TUT7: variants seen among roughly 807,000 people sequenced by gnomAD.
The protein encoded by TUT7 is terminal uridylyltransferase 7.
Under a neutral mutation model 165.9 loss-of-function variants are expected in TUT7, and 33 were observed. The observed-to-expected ratio is 0.20, with a 90% CI of 0.15 to 0.27. TUT7 has a LOEUF of 0.27. Among genes scored for constraint, TUT7 ranks in the 10% least tolerant of loss-of-function variants. The probability of loss-of-function intolerance (pLI) is 1.00; values close to 1 mark genes in which losing one functional copy is unlikely to be tolerated. For missense variants in TUT7, 1,338 were observed against 1,762.3 expected (o/e 0.76, Z 4.31); for synonymous variants, 552 against 608.1 (o/e 0.91, Z 1.36).
At chr9:86,292,681 G>C (rs773858695) in intron 26 of TUT7, among the ~76,000 whole-genome samples, 4 of 151,690 alleles carry the variant, frequency 2.6e-5, no homozygotes, top group Non-Finnish European at 5.9e-5. Context: ...GGCTGAGGTG[G>C]GAGGATTTCT....
intron 26 of TUT7, among the ~76,000 whole-genome samples, chr9:86,290,096 T>TG (rs1005958751): frequency 3.3e-5 from 5 of 152,102 alleles, no homozygotes; most frequent in Non-Finnish European, 7.4e-5. Flanking sequence ...CCTGCCCCCT[T>TG]GAAGTTATTG....
At chr9:86,309,361 T>G (rs1935305436) in intron 20 of TUT7, 72 bp from the exon 21 acceptor site, 2 of 1,420,870 alleles carry the variant, frequency 1.4e-6, no homozygotes, top group South Asian at 2.5e-5. Flanking sequence ...TCTAGGAAAA[T>G]AGGTAAAAAA....
intron 22 of TUT7, among the ~76,000 whole-genome samples, chr9:86,308,119 G>A (rs568534869): frequency 1.3e-5 from 2 of 152,186 alleles, no homozygotes; most frequent in South Asian, 2.1e-4. Flanking sequence ...TTCACTTAGC[G>A]GCACTCTTCA....
At chr9:86,352,266 A>T (rs558674895) in intron 2 of TUT7, among the ~76,000 whole-genome samples, 51 of 151,942 alleles carry the variant, frequency 3.4e-4, no homozygotes, top group East Asian at 7.7e-4. Flanking sequence ...TTTTTTTTTT[A>T]AAAAAAGCTT....
rs764855354 is a variant in TUT7, at chr9:86,298,006, GACA to G, written c.4420+3267_4420+3269del. On this transcript the variant is annotated intron_variant, in intron 26 of 26. Transcript: ENST00000375963. The stretch of plus-strand genomic sequence containing the variant: ...CCACACTGCCTCAGTGATGCTGCAG[GACA>G]ACACCTGTTTCCATCTCTGAGTTTA... 4.9e-5 allele frequency among the ~76,000 whole-genome samples: 7 copies of G among 143,078 alleles called. No individual in the cohort carries two copies. In the South Asian group the frequency reaches 1.7e-3, roughly 34 times the overall value. 93.9% of individuals were successfully genotyped at this position (143,078 alleles called of 152,430 possible). A position where few individuals can be genotyped will look rare whatever the true frequency, so the allele number is the denominator to read the frequency against.
intron 26 of TUT7, among the ~76,000 whole-genome samples, chr9:86,296,549 G>C (rs907012242): frequency 3.9e-5 from 6 of 152,184 alleles, no homozygotes; most frequent in Non-Finnish European, 5.9e-5. Flanking sequence ...GAAAGGATGG[G>C]GGTAGGTATC....
At chr9:86,294,276 A>C (rs1826121557) in intron 26 of TUT7, among the ~76,000 whole-genome samples, 1 of 15,998 alleles carries the variant, frequency 6.3e-5, no homozygotes, top group Non-Finnish European at 9.7e-5. Context: ...CCATGAGGCA[A>C]AAAAAAAAAA....
chr9:86,317,072 T>G, intron 17 of TUT7, 147 bp downstream of exon 17: 1 of 629,488 alleles, frequency 1.6e-6, no homozygotes. Flanking sequence ...CTTGAGCATC[T>G]AAGGATTTTT....
intron 7 of TUT7, 134 bp downstream of exon 7, chr9:86,340,868 T>C: frequency 1.6e-6 from 1 of 643,104 alleles, no homozygotes; most frequent in Non-Finnish European, 2.7e-6. Context: ...TAATAATTCA[T>C]GGGCATTTGC....
At position 86,345,108 on chromosome 9, in the gene TUT7, G is replaced by A. The variant is rs1176534324; in HGVS notation, c.866C>T (p.Pro289Leu). ...AATGCCAACTGCATTTATCTGGGAG[G>A]GTGTTGGTGGGGGTAACGTAGTGAG... ...ELLTTLPPPT[P>L]SQINAVGIAI... Residue 289 changes from proline (P) to leucine (L), a missense_variant, in exon 5 of 27, where the codon CCC becomes CTC. By Grantham distance (98) the Pro-to-Leu change is moderately conservative. Transcript: ENST00000375963. The A allele has an allele frequency of 6.2e-7, 1 of 1,613,174 alleles. No individual in the cohort carries two copies. The highest frequency in any genetic ancestry group is 8.5e-7 in the Non-Finnish European group (1 of 1,179,668).
intron 9 of TUT7, among the ~76,000 whole-genome samples, chr9:86,338,607 C>T (rs1570587): frequency 0.26 from 38,800 of 151,864 alleles, 5,422 homozygotes; most frequent in East Asian, 0.47. Flanking sequence ...TTTAATAAGC[C>T]CTATAAATCA....
At chr9:86,331,094 C>T (rs1830273339) in intron 10 of TUT7, among the ~76,000 whole-genome samples, 1 of 152,046 alleles carries the variant, frequency 6.6e-6, no homozygotes, top group Non-Finnish European at 1.5e-5. Flanking sequence ...TAATGTCCCA[C>T]TTGAATTCCT....
chr9:86,301,473 T>C lies in TUT7; in HGVS notation c.4223A>G (p.Asp1408Gly). 6.2e-7 allele frequency: 1 copy of C among 1,614,206 alleles called. No homozygotes were observed. The highest frequency in any genetic ancestry group is 8.5e-7 in the Non-Finnish European group (1 of 1,180,032). ...CTGAGGTGTGCACTGTATGGGCTTA[T>C]CTTCTTTTGTTGACACCTCCCTTTC... Reference protein sequence around the residue: ...YTEREVSTKEDKPIQCTPQKA... With the variant: ...YTEREVSTKEGKPIQCTPQKA... The change falls in exon 26 of 27, where the codon GAT becomes GGT. Residue 1408 changes from aspartate to glycine, a missense_variant. Transcript: ENST00000375963.
Position 86,298,862 on chromosome 9 carries a change from C to T in TUT7, c.4420+2414G>A, listed in dbSNP as rs1826608893. The T allele has an allele frequency of 8.3e-6, 8 of 961,642 alleles. No homozygotes were observed. In the South Asian group the frequency reaches 1.4e-4, roughly 17 times the overall value. 59.6% of individuals were successfully genotyped at this position (961,642 alleles called of 1,614,324 possible). A position where few individuals can be genotyped will look rare whatever the true frequency, so the allele number is the denominator to read the frequency against. On this transcript the variant is annotated intron_variant, in intron 26 of 26. Transcript: ENST00000375963. ...AATGAAATAGACTGGTTTACAAAATCGAAAGGAAGAGCATCTGAAACAGCC... is the reference window on the plus strand; with the variant it reads ...AATGAAATAGACTGGTTTACAAAATTGAAAGGAAGAGCATCTGAAACAGCC...
intron 11 of TUT7, among the ~76,000 whole-genome samples, chr9:86,325,952 C>A (rs1304133151): frequency 6.6e-6 from 1 of 152,214 alleles, no homozygotes; most frequent in Admixed American, 6.5e-5. Flanking sequence ...ACACTCCTCT[C>A]ACTGCCCTGA....
chr9:86,329,523 CAA>C (rs56393103), intron 10 of TUT7, among the ~76,000 whole-genome samples: 38 of 132,674 alleles, frequency 2.9e-4, no homozygotes, highest in South Asian at 1.9e-3. Context: ...AACTCCATCT[CAA>C]AAAAAAAAAA....
rs974286374 is a variant in TUT7, at chr9:86,333,904, T to C, written c.1455+3515A>G. On this transcript the variant is annotated intron_variant, in intron 10 of 26. Coordinates refer to ENST00000375963, the MANE Select transcript of TUT7 (RefSeq NM_024617.4). ...CTGTCGTAGCTGAAAATTCCTCTGGTGTCCTTGTTTTTGTCTCCCTTGTTG... is the reference window on the plus strand; with the variant it reads ...CTGTCGTAGCTGAAAATTCCTCTGGCGTCCTTGTTTTTGTCTCCCTTGTTG... 2.0e-5 allele frequency among the ~76,000 whole-genome samples: 3 copies of C among 152,182 alleles called. No individual in the cohort carries two copies. In the South Asian group the frequency reaches 6.2e-4, roughly 31 times the overall value.
At chr9:86,313,062 G>A (rs1242483155) in intron 17 of TUT7, among the ~76,000 whole-genome samples, 1 of 151,608 alleles carries the variant, frequency 6.6e-6, no homozygotes, top group African/African-American at 2.4e-5. Context: ...TTATTATGCT[G>A]CTCCACTATT....
intron 10 of TUT7, among the ~76,000 whole-genome samples, chr9:86,333,616 G>A (rs548722818): frequency 6.6e-6 from 1 of 152,000 alleles, no homozygotes; most frequent in African/African-American, 2.4e-5. Context: ...ATTTATTCTT[G>A]CATGTTGTCC....
Sources: gnomAD v4.1 joint callset for allele counts (sites outside exome capture counted in the v4.1 genomes callset) on GRCh38, gnomAD v4.1.1 for gene constraint, MANE v1.5 for transcripts, NCBI Gene and HGNC (gene_info 2026-07-23, HGNC 2026-07-21) for gene names.